The following SEMA6A variants were observed in gnomAD, a reference collection of about 807,000 sequenced individuals.
The protein encoded by SEMA6A is semaphorin 6A.
In SEMA6A, 25 loss-of-function variants were observed where a neutral mutation model predicts 96.8. The ratio of observed to expected loss-of-function variants is 0.26; its 90% confidence interval spans 0.19 to 0.36. The LOEUF is 0.36. Ranked by LOEUF, SEMA6A falls within the 10% of genes least tolerant of loss-of-function variation. SEMA6A has a pLI of 1.00. For synonymous variants in SEMA6A, 612 were observed against 518.0 expected (o/e 1.18, Z -2.46); for missense variants, 1,363 against 1,323.1 (o/e 1.03, Z -0.47).
At chr5:116,483,521 A>G (rs1756897207) in intron 10 of SEMA6A, among the ~76,000 whole-genome samples, 1 of 152,210 alleles carries the variant, frequency 6.6e-6, no homozygotes, top group Admixed American at 6.5e-5. Flanking sequence ...TCATCCAGAG[A>G]GAATGATTTT....
chr5:116,447,700 G>C lies in SEMA6A; in HGVS notation c.2006C>G (p.Thr669Ser), dbSNP rs1297120893. 6.2e-7 allele frequency: 1 copy of C among 1,614,008 alleles called. No homozygotes were observed. The highest frequency in any genetic ancestry group is 8.5e-7 in the Non-Finnish European group (1 of 1,179,882). The change falls in exon 19 of 19, where the codon ACC becomes AGC. Residue 669 changes from threonine to serine, a missense_variant. Thr to Ser is a moderately conservative substitution (Grantham distance 58). Coordinates refer to ENST00000343348, the MANE Select transcript of SEMA6A (RefSeq NM_020796.5). ...FVMGAVFSGI[T>S]VYCVCDHRRK... ...CCGATGATCACAGACGCAGTAGACG[G>C]TGATGCCCGAGAAGACGGCCCCCAT...
chr5:116,473,020 T>C lies in SEMA6A; in HGVS notation c.1729+53A>G, dbSNP rs1323713818. ...CTCAAGAGGATTAATGAAATAGACA[T>C]TCTCAGATAGGTTTCCACCAGTATG... On this transcript the variant is annotated intron_variant, in intron 17 of 18. Transcript: ENST00000343348. The C allele has an allele frequency of 5.1e-6, 8 of 1,557,930 alleles. No homozygotes were observed. In the African/African-American group the frequency reaches 1.1e-4, roughly 21 times the overall value.
At chr5:116,501,997 A>G (rs1757905955) in intron 3 of SEMA6A, among the ~76,000 whole-genome samples, 1 of 152,270 alleles carries the variant, frequency 6.6e-6, no homozygotes, top group South Asian at 2.1e-4. Context: ...GTAAGTGCCC[A>G]AATATGCTAT....
intron 1 of SEMA6A, among the ~76,000 whole-genome samples, chr5:116,573,315 T>G (rs570550389): frequency 3.9e-5 from 6 of 152,132 alleles, no homozygotes; most frequent in South Asian, 4.2e-4. Flanking sequence ...CTGGGTCATC[T>G]TTCCAGAGCG....
At chr5:116,539,305 GTA>G (rs1554092045) in intron 1 of SEMA6A, among the ~76,000 whole-genome samples, 1 of 152,182 alleles carries the variant, frequency 6.6e-6, no homozygotes, top group Non-Finnish European at 1.5e-5. Flanking sequence ...TCCTTCTGAA[GTA>G]TATGTCACAT....
chr5:116,466,761 G>C (rs1755782798), intron 18 of SEMA6A, among the ~76,000 whole-genome samples: 1 of 152,158 alleles, frequency 6.6e-6, no homozygotes, highest in Non-Finnish European at 1.5e-5. Flanking sequence ...ATTCTGAATG[G>C]GGAGAAACAG....
At chr5:116,449,275 A>C (rs796869966) in intron 18 of SEMA6A, 29 of 702,200 alleles carry the variant, frequency 4.1e-5, no homozygotes, top group African/African-American at 4.0e-4. Context: ...AAATGTAAAC[A>C]TTGTTCCTAT....
chr5:116,523,740 A>G (rs6594971), intron 1 of SEMA6A, among the ~76,000 whole-genome samples: 6,733 of 152,220 alleles, frequency 0.044, 424 homozygotes, highest in African/African-American at 0.13. Flanking sequence ...TGTGTTCCAT[A>G]CCCAGAGATT....
intron 1 of SEMA6A, chr5:116,508,110 T>G (rs1251130095): frequency 1.3e-5 from 2 of 152,180 alleles, no homozygotes; most frequent in Non-Finnish European, 2.9e-5. Flanking sequence ...TTGGTTGCCA[T>G]GAGCCAAATG....
chr5:116,448,777 CA>C (rs1360181213), intron 18 of SEMA6A, among the ~76,000 whole-genome samples: 1 of 76,322 alleles, frequency 1.3e-5, no homozygotes, highest in Non-Finnish European at 2.9e-5. Flanking sequence ...AAAAAAAAAA[CA>C]GTGCAAACTC....
chr5:116,533,099 T>G (rs1759558078), intron 1 of SEMA6A, among the ~76,000 whole-genome samples: 1 of 152,240 alleles, frequency 6.6e-6, no homozygotes, highest in Admixed American at 6.5e-5. Context: ...AGTTTTGGCC[T>G]TTTGATCTTT....
At chr5:116,449,281 C>A (rs553294065) in intron 18 of SEMA6A, 1 of 701,752 alleles carries the variant, frequency 1.4e-6, no homozygotes, top group Non-Finnish European at 2.6e-6. Context: ...AAACATTGTT[C>A]CTATTATGGA....
intron 3 of SEMA6A, among the ~76,000 whole-genome samples, chr5:116,501,657 G>A (rs1312848851): frequency 6.6e-6 from 1 of 152,174 alleles, no homozygotes. Context: ...GGAGGCCGAG[G>A]TGGGTGAATC....
intron 18 of SEMA6A, among the ~76,000 whole-genome samples, chr5:116,450,337 C>A (rs1328889798): frequency 3.3e-5 from 5 of 152,008 alleles, no homozygotes; most frequent in Non-Finnish European, 7.4e-5. Flanking sequence ...CTGGATATTC[C>A]CAATAAATGT....
chr5:116,465,258 A>G (rs1382191295), intron 18 of SEMA6A, among the ~76,000 whole-genome samples: 2 of 152,240 alleles, frequency 1.3e-5, no homozygotes, highest in African/African-American at 4.8e-5. Flanking sequence ...GACTTTTCCA[A>G]CGGAGTAACG....
At chr5:116,529,788 A>G (rs1439381547) in intron 1 of SEMA6A, among the ~76,000 whole-genome samples, 2 of 152,172 alleles carry the variant, frequency 1.3e-5, no homozygotes, top group East Asian at 3.9e-4. Context: ...GGAGCCAGAC[A>G]CTGAGTACAC....
chr5:116,515,954 T>TA (rs1219044994), intron 1 of SEMA6A, among the ~76,000 whole-genome samples: 1 of 152,206 alleles, frequency 6.6e-6, no homozygotes, highest in Admixed American at 6.5e-5. Context: ...TATAAATCCT[T>TA]ACTGTTTTCT....
chr5:116,559,418 G>A (rs1391721489), intron 1 of SEMA6A, among the ~76,000 whole-genome samples: 1 of 152,156 alleles, frequency 6.6e-6, no homozygotes, highest in Non-Finnish European at 1.5e-5. Flanking sequence ...GTACCACGTA[G>A]CAGTTACAGT....
At chr5:116,559,153 T>C (rs1760713787) in intron 1 of SEMA6A, among the ~76,000 whole-genome samples, 1 of 151,970 alleles carries the variant, frequency 6.6e-6, no homozygotes, top group African/African-American at 2.4e-5. Flanking sequence ...AGTTGAAGAG[T>C]GGTCCCAACT....
Sources: allele counts gnomAD v4.1 joint callset (sites outside exome capture counted in the v4.1 genomes callset), GRCh38; gene constraint gnomAD v4.1.1; transcripts MANE v1.5; gene names NCBI Gene and HGNC (gene_info 2026-07-23, HGNC 2026-07-21).